The following CASD1 variants were observed in gnomAD, a reference collection of about 807,000 sequenced individuals.
CASD1 encodes CAS1 domain sialic acid O acetyltransferase 1.
A neutral mutation model predicts 100.0 loss-of-function variants in CASD1; 41 were observed. The observed-to-expected ratio is 0.41, with a 90% CI of 0.32 to 0.53. CASD1 has a LOEUF of 0.53. CASD1 is among the 20% of genes least tolerant of loss of function. CASD1 has a pLI of 0.25. For missense variants in CASD1, 774 were observed against 948.7 expected, an observed-to-expected ratio of 0.82 and a Z score of 2.42; for synonymous variants, 321 against 315.6, an observed-to-expected ratio of 1.02 and a Z score of -0.18.
At chr7:94,583,605 T>C in the CASD1 span, among the ~76,000 whole-genome samples, 2 of 152,148 alleles carry the variant, frequency 1.3e-5, no homozygotes, top group African/African-American at 4.8e-5. Flanking sequence ...TGGGTAAATA[T>C]ACCCTGGAGG....
the CASD1 span, among the ~76,000 whole-genome samples, chr7:94,583,874 CA>C: frequency 6.6e-5 from 10 of 152,048 alleles, no homozygotes; most frequent in African/African-American, 2.4e-4. Context: ...CAAAACAAAA[CA>C]AAAAAACCCT....
the CASD1 span, among the ~76,000 whole-genome samples, chr7:94,596,855 A>G: frequency 3.9e-5 from 6 of 152,174 alleles, no homozygotes; most frequent in Admixed American, 2.0e-4. Flanking sequence ...ATATCTGTCA[A>G]CATTTCACTG....
the CASD1 span, among the ~76,000 whole-genome samples, chr7:94,612,416 T>A: frequency 6.6e-6 from 1 of 152,202 alleles, no homozygotes; most frequent in Admixed American, 6.6e-5. Flanking sequence ...TGCAATAATC[T>A]CTAAAATATA....
At chr7:94,602,792 A>C in the CASD1 span, among the ~76,000 whole-genome samples, 1 of 152,188 alleles carries the variant, frequency 6.6e-6, no homozygotes, top group African/African-American at 2.4e-5. Flanking sequence ...TTTATGAATT[A>C]TGGGTAAGAT....
chr7:94,590,718 G>A, the CASD1 span: 1 of 152,158 alleles, frequency 6.6e-6, no homozygotes, highest in Non-Finnish European at 1.5e-5. Context: ...GGTTGCCTGG[G>A]TTGAAACAAG....
the CASD1 span, chr7:94,626,581 G>A: frequency 6.6e-6 from 1 of 151,902 alleles, no homozygotes; most frequent in Non-Finnish European, 1.5e-5. Context: ...TGATCTCACA[G>A]TTCACTGCTA....
At chr7:94,535,663 C>A in intron 8 of CASD1, 140 bp downstream of exon 8, 1 of 645,182 alleles carries the variant, frequency 1.5e-6, no homozygotes, top group Non-Finnish European at 2.7e-6. Context: ...AAAGATACAT[C>A]TAGAAATTAT....
chr7:94,582,154 G>A, the CASD1 span, among the ~76,000 whole-genome samples: 1 of 152,152 alleles, frequency 6.6e-6, no homozygotes, highest in Non-Finnish European at 1.5e-5. Flanking sequence ...TTCTCACTCT[G>A]TCGCCCAGAC....
the CASD1 span, among the ~76,000 whole-genome samples, chr7:94,575,560 A>G: frequency 6.6e-6 from 1 of 152,182 alleles, no homozygotes; most frequent in Non-Finnish European, 1.5e-5. Flanking sequence ...CATCAGATCC[A>G]TTTGGTCCAG....
the CASD1 span, among the ~76,000 whole-genome samples, chr7:94,568,077 A>G: frequency 1.3e-5 from 2 of 152,214 alleles, no homozygotes; most frequent in Non-Finnish European, 2.9e-5. Context: ...GAAGAGCAGT[A>G]TGGGAGGGTA....
chr7:94,573,127 A>G, the CASD1 span, among the ~76,000 whole-genome samples: 153 of 152,220 alleles, frequency 1.0e-3, no homozygotes, highest in African/African-American at 3.6e-3. Context: ...TTACTGTAGC[A>G]CTGTAGTATA....
chr7:94,560,180 A>G (rs561288179), downstream of CASD1, among the ~76,000 whole-genome samples: 8 of 152,354 alleles, frequency 5.3e-5, no homozygotes, highest in South Asian at 1.7e-3. Flanking sequence ...GCCTTCCTTC[A>G]TAAGACTAGA....
At chr7:94,544,751 G>C (rs1795594137) in intron 11 of CASD1, among the ~76,000 whole-genome samples, 2 of 152,072 alleles carry the variant, frequency 1.3e-5, no homozygotes, top group Admixed American at 6.5e-5. Context: ...AAAAGCACTG[G>C]TACACAGGAG....
chr7:94,603,338 A>G, the CASD1 span: 1 of 1,612,818 alleles, frequency 6.2e-7, no homozygotes, highest in Non-Finnish European at 8.5e-7. Context: ...GAAATTTTTT[A>G]TCACATGTTA....
chr7:94,589,117 C>G, the CASD1 span: 1 of 231,228 alleles, frequency 4.3e-6, no homozygotes, highest in Non-Finnish European at 8.7e-6. Context: ...TATACACTTT[C>G]AGATCCAGAT....
At chr7:94,618,130 G>A in the CASD1 span, 1 of 152,232 alleles carries the variant, frequency 6.6e-6, no homozygotes, top group South Asian at 2.1e-4. Context: ...TATCTGCACA[G>A]CTTCAGAACT....
chr7:94,632,322 G>T, the CASD1 span, among the ~76,000 whole-genome samples: 1 of 152,008 alleles, frequency 6.6e-6, no homozygotes, highest in Non-Finnish European at 1.5e-5. Context: ...CTCACTTCAA[G>T]AACTTGCATA....
At chr7:94,512,918 C>G (rs961796094) in intron 1 of CASD1, among the ~76,000 whole-genome samples, 1 of 152,168 alleles carries the variant, frequency 6.6e-6, no homozygotes, top group Non-Finnish European at 1.5e-5. Context: ...GGATTTAGAT[C>G]CCAGTTAGTC....
Position 94,549,613 on chromosome 7 carries a change from C to T in CASD1, c.1794C>T (p.Phe598=). Residue 598 remains phenylalanine, a synonymous_variant, in exon 14 of 18, where the codon TTC becomes TTT. Transcript: ENST00000297273. The part of the protein sequence containing the change: ...ELKGNVYEWW[F]RWRLDRYVVF... ...AAGGGAATGTATATGAATGGTGGTT[C>T]AGATGGAGGTTAGACCGTTATGTAT... 9 of 1,607,254 alleles carry T rather than the reference C, an allele frequency of 5.6e-6. No homozygotes were observed. Among genetic ancestry groups the T allele is most frequent in the Non-Finnish European group, 7.7e-6 (9 of 1,176,056 alleles).
Sources: gnomAD v4.1 joint callset for allele counts (sites outside exome capture counted in the v4.1 genomes callset) on GRCh38, gnomAD v4.1.1 for gene constraint, MANE v1.5 for transcripts, NCBI Gene and HGNC (gene_info 2026-07-23, HGNC 2026-07-21) for gene names.